KAZN: variants seen among roughly 807,000 people sequenced by gnomAD.
KAZN encodes kazrin, periplakin interacting protein.
KAZN carries 40 observed loss-of-function variants against 87.4 expected under a neutral mutation model. That is an observed-to-expected ratio of 0.46 (90% CI 0.36 to 0.60). The LOEUF is 0.60. KAZN is among the 20% of genes least tolerant of loss of function. The pLI is 0.00. For synonymous variants in KAZN, 466 were observed against 458.3 expected, an observed-to-expected ratio of 1.02 and a Z score of -0.22; for missense variants, 898 against 1,073.9, an observed-to-expected ratio of 0.84 and a Z score of 2.29.
chr1:14,458,700 G>A (rs998749792), intron 2 of KAZN, among the ~76,000 whole-genome samples: 5 of 152,082 alleles, frequency 3.3e-5, no homozygotes, highest in African/African-American at 1.2e-4. Flanking sequence ...GCGTTCAAGG[G>A]TTCTCATTTT....
intron 14 of KAZN, chr1:15,113,712 T>G (rs1176151932): frequency 6.6e-6 from 1 of 151,688 alleles, no homozygotes; most frequent in African/African-American, 2.4e-5. Context: ...GGAGTGCAGT[T>G]GCACGATCTC....
At chr1:14,070,245 A>G (rs1643197563) in intron 1 of KAZN, among the ~76,000 whole-genome samples, 1 of 150,618 alleles carries the variant, frequency 6.6e-6, no homozygotes, top group South Asian at 2.1e-4. Flanking sequence ...AATTAAAGGG[A>G]GGTGAAGGGA....
At chr1:14,382,424 C>T (rs1038680454) in intron 2 of KAZN, among the ~76,000 whole-genome samples, 7 of 141,670 alleles carry the variant, frequency 4.9e-5, no homozygotes, top group Admixed American at 7.0e-5. Context: ...CCCACTAACT[C>T]GTCATCTAGC....
intron 1 of KAZN, among the ~76,000 whole-genome samples, chr1:14,106,960 CTCCCCG>C (rs1369117865): frequency 2.4e-5 from 3 of 125,204 alleles, no homozygotes. Context: ...CCTTCCCTCC[CTCCCCG>C]TCCCTCCCTC....
intron 1 of KAZN, among the ~76,000 whole-genome samples, chr1:14,884,820 T>C (rs1653853628): frequency 6.6e-6 from 1 of 152,112 alleles, no homozygotes; most frequent in South Asian, 2.1e-4. Context: ...CCCCACACAG[T>C]TTTTCATAAC....
rs561460560 is a variant in KAZN at position 14,511,502 on chromosome 1, T to C, written c.250-87481T>C. Among the ~76,000 whole-genome samples the C allele has an allele frequency of 2.0e-5, 3 of 152,320 alleles. No individual in the cohort carries two copies. In the East Asian group the frequency reaches 5.8e-4, roughly 29 times the overall value. On this transcript the variant is annotated intron_variant, in intron 2 of 16. Transcript: ENST00000636203. The stretch of plus-strand genomic sequence containing the variant: ...GCCCTGTGTCCCACTGATCTGTGTA[T>C]AGCTTTCAAGACACTATCCCTACTG...
rs142199980 is a variant in KAZN, at chr1:15,094,591, T to C, written c.1428+206T>C. ...GCCCTCAGCTGCCTCATCCTGACAATGGACCCAGGTTTCCTTTACCTGCCT... is the reference window on the plus strand; with the variant it reads ...GCCCTCAGCTGCCTCATCCTGACAACGGACCCAGGTTTCCTTTACCTGCCT... On this transcript the variant is annotated intron_variant, in intron 9 of 14. Transcript: ENST00000376030. The surrounding 1 kb of genome is among the most constrained non-coding windows in gnomAD (Gnocchi z 4.5). 5.3e-5 allele frequency among the ~76,000 whole-genome samples: 8 copies of C among 152,304 alleles called. No individual in the cohort carries two copies. In the East Asian group the frequency reaches 1.2e-3, roughly 22 times the overall value.
At chr1:14,305,664 T>G (rs1654870395) in intron 2 of KAZN, among the ~76,000 whole-genome samples, 1 of 151,458 alleles carries the variant, frequency 6.6e-6, no homozygotes, top group Non-Finnish European at 1.5e-5. Context: ...TCCCTTTTTT[T>G]TTTGTTTTCT....
intron 2 of KAZN, among the ~76,000 whole-genome samples, chr1:14,329,564 A>G (rs1018590845): frequency 2.0e-5 from 3 of 152,234 alleles, no homozygotes; most frequent in African/African-American, 7.2e-5. Flanking sequence ...GGAAGAGCAC[A>G]GCAGAACTGG....
chr1:14,169,291 CCTCTT>C (rs1296093457), intron 1 of KAZN, among the ~76,000 whole-genome samples: 1 of 152,126 alleles, frequency 6.6e-6, no homozygotes, highest in Non-Finnish European at 1.5e-5. Context: ...TCTTCTATCT[CCTCTT>C]CTCTCCCCTC....
At chr1:14,572,277 G>T (rs112567794) in intron 2 of KAZN, among the ~76,000 whole-genome samples, 8 of 152,166 alleles carry the variant, frequency 5.3e-5, no homozygotes. Flanking sequence ...TGCAGAGTCC[G>T]CTGGCACGGC....
intron 6 of KAZN, chr1:15,061,853 G>A (rs1638825716): frequency 6.6e-6 from 1 of 152,188 alleles, no homozygotes; most frequent in Non-Finnish European, 1.5e-5. Flanking sequence ...CTTTGAGGAA[G>A]CAGTATGTTC....
chr1:15,014,668 G>T, intron 2 of KAZN, among the ~76,000 whole-genome samples: 1 of 152,220 alleles, frequency 6.6e-6, no homozygotes, highest in East Asian at 1.9e-4. Flanking sequence ...CCTTCCTCCC[G>T]GGAAGAATCT....
chr1:14,472,625 G>T (rs1165193905), intron 2 of KAZN, among the ~76,000 whole-genome samples: 1 of 151,242 alleles, frequency 6.6e-6, no homozygotes, highest in African/African-American at 2.4e-5. Flanking sequence ...CATCAGTAAT[G>T]CCTACAGCAA....
chr1:14,163,962 T>C (rs1645765785), intron 1 of KAZN, among the ~76,000 whole-genome samples: 1 of 152,168 alleles, frequency 6.6e-6, no homozygotes, highest in South Asian at 2.1e-4. Flanking sequence ...CTGCTGGACA[T>C]CTTCTGAGGG....
At chr1:13,980,659 T>G (rs2101074466) in intron 1 of KAZN, among the ~76,000 whole-genome samples, 1 of 152,260 alleles carries the variant, frequency 6.6e-6, no homozygotes, top group Non-Finnish European at 1.5e-5. Context: ...AGTAGATACA[T>G]GAACAATCAG....
At chr1:14,764,926 G>A (rs1001969513) in intron 1 of KAZN, among the ~76,000 whole-genome samples, 1 of 152,218 alleles carries the variant, frequency 6.6e-6, no homozygotes, top group Non-Finnish European at 1.5e-5. Flanking sequence ...GTAAGGAAAT[G>A]AGATTCAGAG....
chr1:14,430,155 G>A (rs551623619), intron 2 of KAZN, among the ~76,000 whole-genome samples: 13 of 148,644 alleles, frequency 8.7e-5, no homozygotes, highest in South Asian at 6.4e-4. Context: ...GAATCTTTTC[G>A]TGACTTTCCT....
At chr1:14,669,952 C>T (rs1309416099) in intron 1 of KAZN, among the ~76,000 whole-genome samples, 2 of 152,124 alleles carry the variant, frequency 1.3e-5, no homozygotes, top group South Asian at 2.1e-4. Context: ...AATCTGCCCT[C>T]AAGATTACCA....
Sources: allele counts gnomAD v4.1 joint callset (sites outside exome capture counted in the v4.1 genomes callset), GRCh38; gene constraint gnomAD v4.1.1; non-coding constraint Gnocchi (gnomAD v3.1); transcripts MANE v1.5; gene names NCBI Gene and HGNC (gene_info 2026-07-23, HGNC 2026-07-21).